The following GNB4 variants were observed in gnomAD, a reference collection of about 807,000 sequenced individuals.
GNB4 encodes the protein guanine nucleotide-binding protein subunit beta-4.
In GNB4, 28 loss-of-function variants were observed where a neutral mutation model predicts 45.2. The observed-to-expected ratio is 0.62, with a 90% CI of 0.46 to 0.85. The LOEUF (loss-of-function observed/expected upper bound fraction) is 0.85. GNB4 is among the 40% of genes least tolerant of loss of function. The pLI, the probability that GNB4 is intolerant of heterozygous loss-of-function variation, is 0.00. For synonymous variants in GNB4, 132 were observed against 143.7 expected (o/e 0.92, Z 0.58); for missense variants, 321 against 425.4 (o/e 0.75, Z 2.16).
At chr3:179,452,151 C>A (rs1465795426), upstream of GNB4, among the ~76,000 whole-genome samples, 2 of 151,966 alleles carry the variant, frequency 1.3e-5, no homozygotes, top group Admixed American at 1.3e-4. Context: ...AACTGGAAGG[C>A]CTTCCAGATA....
At chr3:179,493,571 T>C in the GNB4 span, among the ~76,000 whole-genome samples, 2 of 150,358 alleles carry the variant, frequency 1.3e-5, no homozygotes, top group Non-Finnish European at 3.0e-5. Flanking sequence ...TCTTTAGGAC[T>C]TATGGGACTC....
At chr3:179,418,882 CGT>C (rs950296239) in intron 4 of GNB4, among the ~76,000 whole-genome samples, 1 of 152,264 alleles carries the variant, frequency 6.6e-6, no homozygotes, top group African/African-American at 2.4e-5. Context: ...AGCAGCTGTG[CGT>C]GTGCCTGTGC....
intron 5 of GNB4, among the ~76,000 whole-genome samples, chr3:179,415,393 T>C (rs180823936): frequency 3.8e-4 from 58 of 152,356 alleles, no homozygotes; most frequent in African/African-American, 1.3e-3. Context: ...TTTTCACTTT[T>C]GTAATAGTGC....
At chr3:179,519,566 A>G in the GNB4 span, among the ~76,000 whole-genome samples, 3 of 152,016 alleles carry the variant, frequency 2.0e-5, no homozygotes, top group Non-Finnish European at 2.9e-5. Flanking sequence ...CTTGGACAAC[A>G]CTCTTTTATG....
At chr3:179,465,013 A>G in the GNB4 span, 1 of 1,524,524 alleles carries the variant, frequency 6.6e-7, no homozygotes, top group Non-Finnish European at 9.1e-7. Flanking sequence ...AACGTCCCGG[A>G]GGTGATGCCA....
Position 179,401,163 on chromosome 3 carries a change from G to A in GNB4, c.*50C>T, listed in dbSNP as rs370931817. On this transcript the variant is annotated 3_prime_UTR_variant, in exon 10 of 10. Coordinates refer to ENST00000232564, the MANE Select transcript of GNB4 (RefSeq NM_021629.4). ...AATTTTTTCACAGCTATAGGCTGTA[G>A]CATTGATTTCTCCAGATATATCAAT... 3 of 1,292,576 alleles carry A rather than the reference G, an allele frequency of 2.3e-6. No individual in the cohort carries two copies. 80.1% of individuals were successfully genotyped at this position (1,292,576 alleles called of 1,614,324 possible).
chr3:179,499,155 C>CTTTTTTTTTT, the GNB4 span, among the ~76,000 whole-genome samples: 1 of 111,510 alleles, frequency 9.0e-6, no homozygotes, highest in Non-Finnish European at 1.8e-5. Flanking sequence ...GCCACATTTT[C>CTTTTTTTTTT]TTTTTTTTTT....
intron 3 of GNB4, among the ~76,000 whole-genome samples, chr3:179,419,744 A>G (rs1714921938): frequency 6.6e-6 from 1 of 152,202 alleles, no homozygotes; most frequent in Non-Finnish European, 1.5e-5. Flanking sequence ...GTATAATAAG[A>G]ATGCCTTCTG....
In GNB4 at chr3:179,408,125, A is replaced by G. The variant is rs557894158; in HGVS notation, c.700-2719T>C. Among the ~76,000 whole-genome samples, 75 of 152,344 alleles carry G rather than the reference A, an allele frequency of 4.9e-4. 2 individuals are homozygous for G. The South Asian group carries it at 0.015, about 31-fold the overall frequency. ...AAATTATCTAGCATCCAACAAGGTA[A>G]AATTCACAATGTCTGGTATCTAATA... is the stretch of plus-strand genomic sequence containing the variant. On this transcript the variant is annotated intron_variant, in intron 8 of 9. Transcript: ENST00000232564.
chr3:179,451,999 G>A (rs893278958), upstream of GNB4, among the ~76,000 whole-genome samples: 1 of 152,180 alleles, frequency 6.6e-6, no homozygotes, highest in Non-Finnish European at 1.5e-5. Flanking sequence ...TCGGGCCTAA[G>A]TTTCGTCATC....
At position 179,400,119 on chromosome 3, in the gene GNB4, A is replaced by G. The variant is rs1714242254; in HGVS notation, c.*1094T>C. The G allele has an allele frequency of 6.6e-6, 1 of 152,258 alleles. No individual in the cohort carries two copies. The highest frequency in any genetic ancestry group is 1.5e-5 in the Non-Finnish European group (1 of 68,038). The allele number at this position is 152,258 out of a possible 1,614,324, so 9.4% of individuals were successfully genotyped here. ...GGGAAGAAATACTACAAAATGTTGC[A>G]AAACAGAACAAAAAGCTTAAAGGTT... On this transcript the variant is annotated 3_prime_UTR_variant, in exon 10 of 10. Coordinates refer to ENST00000232564, the MANE Select transcript of GNB4 (RefSeq NM_021629.4).
the GNB4 span, among the ~76,000 whole-genome samples, chr3:179,501,552 TG>T: frequency 6.6e-6 from 1 of 151,636 alleles, no homozygotes; most frequent in Admixed American, 6.6e-5. Flanking sequence ...CTTGAACTCC[TG>T]ACCTTAAGTG....
chr3:179,513,283 A>C, the GNB4 span, among the ~76,000 whole-genome samples: 1 of 147,206 alleles, frequency 6.8e-6, no homozygotes, highest in African/African-American at 2.5e-5. Context: ...TCCTGGGCTT[A>C]AGCAAGCCTC....
intron 1 of GNB4, among the ~76,000 whole-genome samples, chr3:179,449,767 A>G (rs528967551): frequency 7.9e-5 from 12 of 152,366 alleles, no homozygotes; most frequent in African/African-American, 2.6e-4. Flanking sequence ...AACTGATGAT[A>G]CAGCCAGCTG....
the GNB4 span, among the ~76,000 whole-genome samples, chr3:179,489,694 A>C: frequency 6.6e-6 from 1 of 152,176 alleles, no homozygotes; most frequent in Non-Finnish European, 1.5e-5. Flanking sequence ...TTCTGCAGGC[A>C]ATCTTTTCCT....
the GNB4 span, among the ~76,000 whole-genome samples, chr3:179,475,318 A>G: frequency 6.6e-6 from 1 of 151,642 alleles, no homozygotes; most frequent in South Asian, 2.1e-4. Context: ...GACAGGTTTC[A>G]CCATGTTAGC....
chr3:179,485,294 G>T, the GNB4 span, among the ~76,000 whole-genome samples: 2,026 of 152,168 alleles, frequency 0.013, 40 homozygotes, highest in African/African-American at 0.047. Context: ...TTATAGGTGT[G>T]AGCCACTGCG....
At chr3:179,519,198 C>T in the GNB4 span, among the ~76,000 whole-genome samples, 1 of 152,252 alleles carries the variant, frequency 6.6e-6, no homozygotes, top group African/African-American at 2.4e-5. Flanking sequence ...TCCTCCCAAG[C>T]CATGTGCCAT....
chr3:179,518,015 G>T, the GNB4 span, among the ~76,000 whole-genome samples: 1 of 151,764 alleles, frequency 6.6e-6, no homozygotes, highest in Non-Finnish European at 1.5e-5. Flanking sequence ...TTTCCTGGGG[G>T]GCAAGCACCC....
Sources: gnomAD v4.1 joint callset for allele counts (sites outside exome capture counted in the v4.1 genomes callset) on GRCh38, gnomAD v4.1.1 for gene constraint, MANE v1.5 for transcripts, NCBI Gene and HGNC (gene_info 2026-07-23, HGNC 2026-07-21) for gene names.